Variants in ATF6B observed in about 807,000 individuals in gnomAD.
ATF6B encodes the protein activating transcription factor 6 beta.
A neutral mutation model predicts 83.5 loss-of-function variants in ATF6B; 50 were observed. That is an observed-to-expected ratio of 0.60 (90% CI 0.48 to 0.76). The LOEUF is 0.76. Ranked by LOEUF, ATF6B falls within the 30% of genes least tolerant of loss-of-function variation. The probability of loss-of-function intolerance (pLI) is 0.00; values close to 1 mark genes in which losing one functional copy is unlikely to be tolerated. For missense variants in ATF6B, 790 were observed against 893.8 expected, an observed-to-expected ratio of 0.88 and a Z score of 1.48; for synonymous variants, 344 against 362.8, an observed-to-expected ratio of 0.95 and a Z score of 0.59.
rs1782022987 is a variant in ATF6B at position 32,127,311 on chromosome 6, T to C, written c.251-117A>G. ...CGCAGCAAGGGAGAAGAAACAAAAATAGGGGATTGAAGGAGAGAGGATAGG... is the reference window on the plus strand; with the variant it reads ...CGCAGCAAGGGAGAAGAAACAAAAACAGGGGATTGAAGGAGAGAGGATAGG... On this transcript the variant is annotated intron_variant, in intron 3 of 17. Coordinates refer to ENST00000375203, the MANE Select transcript of ATF6B (RefSeq NM_004381.5). The C allele has an allele frequency of 2.9e-6, 4 of 1,357,024 alleles. No individual in the cohort carries two copies. In the East Asian group the frequency reaches 9.8e-5, roughly 33 times the overall value. The allele number at this position is 1,357,024 out of a possible 1,614,324, so 84.1% of individuals were successfully genotyped here. A position where few individuals can be genotyped will look rare whatever the true frequency, so the allele number is the denominator to read the frequency against.
In ATF6B at chr6:32,126,252, C is replaced by A; in HGVS notation, c.343G>T (p.Ala115Ser). 1 of 1,613,714 alleles carries A rather than the reference C, an allele frequency of 6.2e-7. No homozygotes were observed. Among genetic ancestry groups the A allele is most frequent in the Non-Finnish European group, 8.5e-7 (1 of 1,179,898 alleles). Residue 115 changes from alanine to serine, a missense_variant and splice_region_variant, in exon 5 of 18, where the codon GCT becomes TCT. Ala to Ser is a moderately conservative substitution (Grantham distance 99). Transcript: ENST00000375203. ...TGGAGCACCTCCCCTACCCCAAGAG[C>A]CTGGGTGAGAGTTGGTGTGGGGCAG... ...SRLSTEPSSE[A>S]LGVGEVLHVK...
chr6:32,127,192 G>A lies in ATF6B; in HGVS notation c.253C>T (p.Leu85Phe), dbSNP rs764054751. The A allele has an allele frequency of 6.2e-7, 1 of 1,608,018 alleles. No individual in the cohort carries two copies. Among genetic ancestry groups the A allele is most frequent in the South Asian group, 1.1e-5 (1 of 89,568 alleles). ...GAAGATGGCTCAGACTTCACCTGAAGATCTGGAGGAAAGGGAGTTAGAAAT... is the reference window on the plus strand; with the variant it reads ...GAAGATGGCTCAGACTTCACCTGAAAATCTGGAGGAAAGGGAGTTAGAAAT... ...PWELLPIFPD[L>F]QVKSEPSSPC... The change falls in exon 4 of 18, where the codon CTT (leucine) becomes TTT (phenylalanine). Residue 85 changes from leucine (L) to phenylalanine (F), a missense_variant and splice_region_variant. Physicochemically the swap from Leu to Phe is conservative, Grantham distance 22. Around this residue, in one of 3 missense-constraint regions of ATF6B, gnomAD observed 253 missense variants for 243.1 expected, o/e 1.04. Coordinates refer to ENST00000375203, the MANE Select transcript of ATF6B (RefSeq NM_004381.5).
At chr6:32,127,915 C>T (rs773351215) in intron 1 of ATF6B, 165 bp from the exon 2 acceptor site, 20 of 994,608 alleles carry the variant, frequency 2.0e-5, no homozygotes, top group Non-Finnish European at 3.0e-5. Context: ...TCCCCGACCC[C>T]GGAACAACTC....
At position 32,116,278 on chromosome 6, in the gene ATF6B, C is replaced by G. The variant is rs1317890881; in HGVS notation, c.1882+202G>C. ...CTCTGCCCAGTCATCTACCCAAGCA[C>G]CTTCACCAGGGAAGGACCCTCACCC... On this transcript the variant is annotated intron_variant, in intron 17 of 17. Coordinates refer to ENST00000375203, the MANE Select transcript of ATF6B (RefSeq NM_004381.5). The surrounding 1 kb of genome is among the most constrained non-coding windows in gnomAD (Gnocchi z 5.1). Among the ~76,000 whole-genome samples, 1 of 152,140 alleles carries G rather than the reference C, an allele frequency of 6.6e-6. No individual in the cohort carries two copies. The highest frequency in any genetic ancestry group is 2.4e-5 in the African/African-American group (1 of 41,422).
In ATF6B at chr6:32,127,713, C is replaced by A; in HGVS notation, c.129G>T (p.Glu43Asp). ...TLYSGLDEVAEEQTQLFRCPE... is the reference protein window; with the variant it reads ...TLYSGLDEVADEQTQLFRCPE... ...GGCAACGGAAGAGCTGCGTCTGCTCCTCGGCCACTTCATCTAGGCCAGAAT... is the reference window on the plus strand; with the variant it reads ...GGCAACGGAAGAGCTGCGTCTGCTCATCGGCCACTTCATCTAGGCCAGAAT... The change falls in exon 2 of 18, where the codon GAG becomes GAT. Residue 43 changes from glutamate to aspartate, a missense_variant. Coordinates refer to ENST00000375203, the MANE Select transcript of ATF6B (RefSeq NM_004381.5). 1 of 1,614,188 alleles carries A rather than the reference C, an allele frequency of 6.2e-7. No individual in the cohort carries two copies. The highest frequency in any genetic ancestry group is 8.5e-7 in the Non-Finnish European group (1 of 1,180,034).
In ATF6B at chr6:32,126,145, G is replaced by A. The variant is rs204894; in HGVS notation, c.450C>T (p.Asn150=). 79,150 of 1,614,040 alleles carry A rather than the reference G, an allele frequency of 0.049. 2,460 individuals carry two copies. The highest frequency in any genetic ancestry group is 0.11 in the African/African-American group (8,159 of 74,988). Residue 150 remains asparagine (N), a synonymous_variant, in exon 5 of 18, where the codon AAC becomes AAT. Transcript: ENST00000375203. ...PTSSFETVQI[N]VIPTSDDSSD... The stretch of plus-strand genomic sequence containing the variant: ...AGGAATCATCAGAGGTGGGGATAAC[G>A]TTGATCTGGACGGTTTCAAATGAGG...
Position 32,117,007 on chromosome 6 carries a change from TAATA to T in ATF6B, c.1685+26_1685+29del. The T allele has an allele frequency of 6.2e-7, 1 of 1,608,230 alleles. No homozygotes were observed. The highest frequency in any genetic ancestry group is 8.5e-7 in the Non-Finnish European group (1 of 1,175,358). On this transcript the variant is annotated intron_variant, in intron 15 of 17. Coordinates refer to ENST00000375203, the MANE Select transcript of ATF6B (RefSeq NM_004381.5). This position sits in a 1 kb window ranked among gnomAD's most constrained non-coding sequence, Gnocchi z 5.0. ...CAGCTCTTGAAAGTGGAATTTCACT[TAATA>T]AGTAAGCACCCCACCCCACACTCAC...
chr6:32,124,527 C>T (rs964204683), intron 5 of ATF6B, among the ~76,000 whole-genome samples: 2 of 152,208 alleles, frequency 1.3e-5, no homozygotes, highest in African/African-American at 4.8e-5. Flanking sequence ...CTAGAATCAT[C>T]TTCCTAATCA....
intron 5 of ATF6B, among the ~76,000 whole-genome samples, chr6:32,123,419 C>T (rs140810411): frequency 4.4e-4 from 67 of 152,160 alleles, no homozygotes; most frequent in Non-Finnish European, 8.2e-4. Flanking sequence ...ACCAACAATC[C>T]TTACAATCCT....
rs1423711574 is a variant in ATF6B, at chr6:32,119,066, C to G, written c.1042G>C (p.Glu348Gln). The change falls in exon 10 of 18, where the codon GAG becomes CAG. Residue 348 changes from glutamate to glutamine, a missense_variant. Physicochemically the swap from Glu to Gln is conservative, Grantham distance 29. Transcript: ENST00000375203. This position sits in a 1 kb window ranked among gnomAD's most constrained non-coding sequence, Gnocchi z 4.9. Reference protein sequence around the residue: ...SACQSRRKKKEYLQGLEARLQ... With the variant: ...SACQSRRKKKQYLQGLEARLQ... ...CGAGCCTCCAGTCCCTGCAGATACTCTTTCTTCTTTCTCCGGGACTGGCAG... is the reference window on the plus strand; with the variant it reads ...CGAGCCTCCAGTCCCTGCAGATACTGTTTCTTCTTTCTCCGGGACTGGCAG... 1 of 1,614,056 alleles carries G rather than the reference C, an allele frequency of 6.2e-7. No individual in the cohort carries two copies. The highest frequency in any genetic ancestry group is 1.1e-5 in the South Asian group (1 of 91,066).
Position 32,119,829 on chromosome 6 carries a change from C to T in ATF6B, c.961G>A (p.Val321Met), listed in dbSNP as rs897488943. 2.5e-6 allele frequency: 4 copies of T among 1,614,036 alleles called. No individual in the cohort carries two copies. The highest frequency in any genetic ancestry group is 2.2e-5 in the East Asian group (1 of 44,872). Residue 321 changes from valine (V) to methionine (M), a missense_variant, in exon 9 of 18, where the codon GTG becomes ATG. Around this residue, in one of 3 missense-constraint regions of ATF6B, gnomAD observed 530 missense variants for 632.6 expected, o/e 0.84. Coordinates refer to ENST00000375203, the MANE Select transcript of ATF6B (RefSeq NM_004381.5). The surrounding 1 kb of genome is among the most constrained non-coding windows in gnomAD (Gnocchi z 4.9). Reference protein sequence around the residue: ...PMPGNSCPPEVDAKLLKRQQR... With the variant: ...PMPGNSCPPEMDAKLLKRQQR... The stretch of plus-strand genomic sequence containing the variant: ...CTCTCCTCCCCAACACTTACATCCA[C>T]TTCAGGCGGGCAGGAGTTTCCAGGC...
In ATF6B at chr6:32,125,051, A is replaced by G. The variant is rs1781915551; in HGVS notation, c.478+1066T>C. Among the ~76,000 whole-genome samples, 1 of 151,880 alleles carries G rather than the reference A, an allele frequency of 6.6e-6. No individual in the cohort carries two copies. Among genetic ancestry groups the G allele is most frequent in the East Asian group, 1.9e-4 (1 of 5,144 alleles). On this transcript the variant is annotated intron_variant, in intron 5 of 17. Coordinates refer to ENST00000375203, the MANE Select transcript of ATF6B (RefSeq NM_004381.5). The surrounding 1 kb of genome is among the most constrained non-coding windows in gnomAD (Gnocchi z 4.1). Reference sequence around the variant, plus strand: ...CACCATCTTAGCCAGGATGGTCTCAATCTCCTGACCTCGTGATCCGCCCAC... The same window carrying G: ...CACCATCTTAGCCAGGATGGTCTCAGTCTCCTGACCTCGTGATCCGCCCAC...
rs1781588399 is a variant in ATF6B, at chr6:32,117,754, A to G, written c.1425-60T>C. 2 of 1,591,736 alleles carry G rather than the reference A, an allele frequency of 1.3e-6. No homozygotes were observed. The highest frequency in any genetic ancestry group is 1.7e-6 in the Non-Finnish European group (2 of 1,167,626). ...ACTGCCCAGCACTCCCACAACAAAG[A>G]AGGCGATGACGGCAAGAGAAAGCTT... is the stretch of plus-strand genomic sequence containing the variant. On this transcript the variant is annotated intron_variant, in intron 12 of 17. Transcript: ENST00000375203. This position sits in a 1 kb window ranked among gnomAD's most constrained non-coding sequence, Gnocchi z 5.0.
intron 4 of ATF6B, among the ~76,000 whole-genome samples, chr6:32,126,797 C>T (rs372866167): frequency 4.6e-5 from 7 of 152,160 alleles, no homozygotes; most frequent in East Asian, 1.9e-4. Context: ...GAGGTCAAGG[C>T]TACAGTGAGC....
chr6:32,120,075 G>T, intron 8 of ATF6B, 118 bp from the exon 9 acceptor site: 1 of 1,317,678 alleles, frequency 7.6e-7, no homozygotes, highest in South Asian at 1.5e-5. Context: ...CTCTGACAGG[G>T]TCAATGCAGC....
chr6:32,127,499 C>G lies in ATF6B; in HGVS notation c.193G>C (p.Val65Leu). The G allele has an allele frequency of 6.2e-7, 1 of 1,613,406 alleles. No homozygotes were observed. The highest frequency in any genetic ancestry group is 8.5e-7 in the Non-Finnish European group (1 of 1,179,584). Reference sequence around the variant, plus strand: ...TCAGAGGGGCTGACATCCATCCCCACGTCCAGGGAGCTGCCGTCAAACTAA... The same window carrying G: ...TCAGAGGGGCTGACATCCATCCCCAGGTCCAGGGAGCTGCCGTCAAACTAA... ...DVPFDGSSLD[V>L]GMDVSPSEPP... Residue 65 changes from valine (V) to leucine (L), a missense_variant, in exon 3 of 18, where the codon GTG becomes CTG. Val to Leu is a conservative substitution (Grantham distance 32). Around this residue, in one of 3 missense-constraint regions of ATF6B, gnomAD observed 253 missense variants for 243.1 expected, o/e 1.04. Coordinates refer to ENST00000375203, the MANE Select transcript of ATF6B (RefSeq NM_004381.5).
In ATF6B at chr6:32,128,198, G is replaced by C. The variant is rs1230822622; in HGVS notation, c.10C>G (p.Leu4Val). The change falls in exon 1 of 18, where the codon CTG becomes GTG. Residue 4 changes from leucine (L) to valine (V), a missense_variant. Leu to Val is a conservative substitution (Grantham distance 32). This residue lies in a region of ATF6B where 253 missense variants were observed against 243.1 expected (regional missense o/e 1.04). Coordinates refer to ENST00000375203, the MANE Select transcript of ATF6B (RefSeq NM_004381.5). Reference protein sequence around the residue: MAELMLLSEIADPT... With the variant: MAEVMLLSEIADPT... ...TCAGCAATCTCGCTGAGCAGCATCA[G>C]CTCCGCCATCTTTCCCCCCCACCCC... is the stretch of plus-strand genomic sequence containing the variant. 2 of 1,611,654 alleles carry C rather than the reference G, an allele frequency of 1.2e-6. No homozygotes were observed. The highest frequency in any genetic ancestry group is 1.7e-6 in the Non-Finnish European group (2 of 1,179,690).
chr6:32,125,440 A>G lies in ATF6B; in HGVS notation c.478+677T>C, dbSNP rs1781929712. Among the ~76,000 whole-genome samples the G allele has an allele frequency of 6.6e-6, 1 of 152,204 alleles. No homozygotes were observed. Reference sequence around the variant, plus strand: ...TTAATTGTAGAATCTAGTTTAGTATATGGTGTTCTAGCCTTTCTGTATGTT... The same window carrying G: ...TTAATTGTAGAATCTAGTTTAGTATGTGGTGTTCTAGCCTTTCTGTATGTT... On this transcript the variant is annotated intron_variant, in intron 5 of 17. Coordinates refer to ENST00000375203, the MANE Select transcript of ATF6B (RefSeq NM_004381.5). This position sits in a 1 kb window ranked among gnomAD's most constrained non-coding sequence, Gnocchi z 4.1.
At chr6:32,127,260 G>C in intron 3 of ATF6B, 66 bp from the exon 4 acceptor site, 1 of 1,455,170 alleles carries the variant, frequency 6.9e-7, no homozygotes, top group Non-Finnish European at 9.4e-7. Context: ...AAGTACCCAA[G>C]GACATGTCGG....
Sources: gnomAD v4.1 joint callset for allele counts (sites outside exome capture counted in the v4.1 genomes callset) on GRCh38, gnomAD v4.1.1 for gene constraint, gnomAD v4.1.1 regional missense constraint, Gnocchi (gnomAD v3.1) non-coding constraint, MANE v1.5 for transcripts, NCBI Gene and HGNC (gene_info 2026-07-23, HGNC 2026-07-21) for gene names.